Variants in MRPL50 observed in about 807,000 individuals in gnomAD.
The protein encoded by MRPL50 is large ribosomal subunit protein mL50.
Under a neutral mutation model 16.2 loss-of-function variants are expected in MRPL50, and 10 were observed. The observed-to-expected ratio is 0.62, with a 90% CI of 0.38 to 1.05. The LOEUF (loss-of-function observed/expected upper bound fraction) is 1.05, where lower values mean the gene tolerates loss of function less well. Ranked by LOEUF, MRPL50 falls within the 50% of genes least tolerant of loss-of-function variation. The probability of loss-of-function intolerance (pLI) is 0.01; values close to 1 mark genes in which losing one functional copy is unlikely to be tolerated. For synonymous variants in MRPL50, 68 were observed against 66.8 expected (o/e 1.02, Z -0.09); for missense variants, 213 against 187.1 (o/e 1.14, Z -0.81).
At chr9:101,397,720 G>A (rs1350902348) in intron 1 of MRPL50, among the ~76,000 whole-genome samples, 2 of 152,192 alleles carry the variant, frequency 1.3e-5, no homozygotes, top group African/African-American at 4.8e-5. Context: ...TGATGAAAAA[G>A]ATCTTTCCTA....
chr9:101,396,928 GA>G (rs1830351394), intron 1 of MRPL50, among the ~76,000 whole-genome samples: 3 of 152,182 alleles, frequency 2.0e-5, no homozygotes, highest in South Asian at 2.1e-4. Flanking sequence ...GAGACAGAGT[GA>G]GACTCCATCT....
intron 1 of MRPL50, 88 bp from the exon 2 acceptor site, chr9:101,390,938 T>G: frequency 7.2e-7 from 1 of 1,381,872 alleles, no homozygotes; most frequent in Non-Finnish European, 9.8e-7. Context: ...AAATCAACAA[T>G]GGCATGCTGA....
chr9:101,390,991 C>A (rs1276051103), intron 1 of MRPL50, 141 bp from the exon 2 acceptor site: 2 of 901,816 alleles, frequency 2.2e-6, no homozygotes, highest in Non-Finnish European at 3.3e-6. Flanking sequence ...ATATGGTAGG[C>A]CCCTGCCCTT....
chr9:101,388,014 A>G lies in MRPL50; in HGVS notation c.*2452T>C, dbSNP rs1307750548. ...TTACCTTCCCTGTTAGGATGTGTTT[A>G]CCCTCGTCGGCTAAATTTACCAAGA... On this transcript the variant is annotated 3_prime_UTR_variant, in exon 2 of 2. Transcript: ENST00000374865. 1 of 151,954 alleles carries G rather than the reference A, an allele frequency of 6.6e-6. No homozygotes were observed. 9.4% of individuals were successfully genotyped at this position (151,954 alleles called of 1,614,324 possible).
chr9:101,388,435 A>G lies in MRPL50; in HGVS notation c.*2031T>C, dbSNP rs1395295377. ...AAGGAAAAATTGTATAGAAAATGAGATAATGAAATCCTGTACATAAAATTC... is the reference window on the plus strand; with the variant it reads ...AAGGAAAAATTGTATAGAAAATGAGGTAATGAAATCCTGTACATAAAATTC... On this transcript the variant is annotated 3_prime_UTR_variant, in exon 2 of 2. Transcript: ENST00000374865. 1.3e-5 allele frequency: 2 copies of G among 152,132 alleles called. No individual in the cohort carries two copies. The highest frequency in any genetic ancestry group is 2.9e-5 in the Non-Finnish European group (2 of 68,010). The allele number at this position is 152,132 out of a possible 1,614,324, so 9.4% of individuals were successfully genotyped here.
In MRPL50 at chr9:101,387,860, T is replaced by C. The variant is rs1285972416; in HGVS notation, c.*2606A>G. On this transcript the variant is annotated 3_prime_UTR_variant, in exon 2 of 2. Transcript: ENST00000374865. ...TTTAAAATTACATCATATGTCTGAT[T>C]ATCTCATTAAACAAGTTAGCAAGCC... The C allele has an allele frequency of 6.6e-6, 1 of 152,138 alleles. No homozygotes were observed. Among genetic ancestry groups the C allele is most frequent in the Non-Finnish European group, 1.5e-5 (1 of 68,012 alleles). The allele number at this position is 152,138 out of a possible 1,614,324, so 9.4% of individuals were successfully genotyped here.
In MRPL50 at chr9:101,388,657, T is replaced by C. The variant is rs117534692; in HGVS notation, c.*1809A>G. On this transcript the variant is annotated 3_prime_UTR_variant, in exon 2 of 2. Coordinates refer to ENST00000374865, the MANE Select transcript of MRPL50 (RefSeq NM_019051.3). Reference sequence around the variant, plus strand: ...ATTGAGCTATAAACCAGTGATGCCCTCTAGAGGTACTGATGGATGTGCAGT... The same window carrying C: ...ATTGAGCTATAAACCAGTGATGCCCCCTAGAGGTACTGATGGATGTGCAGT... The C allele has an allele frequency of 1.3e-5, 2 of 152,260 alleles. No homozygotes were observed. Among genetic ancestry groups the C allele is most frequent in the Non-Finnish European group, 2.9e-5 (2 of 68,004 alleles). The allele number at this position is 152,260 out of a possible 1,614,324, so 9.4% of individuals were successfully genotyped here. A position where few individuals can be genotyped will look rare whatever the true frequency, so the allele number is the denominator to read the frequency against.
At position 101,391,475 on chromosome 9, in the gene MRPL50, A is replaced by G. The variant is rs149884385; in HGVS notation, c.93-625T>C. Among the ~76,000 whole-genome samples, 383 of 152,202 alleles carry G rather than the reference A, an allele frequency of 2.5e-3. 1 individual carries two copies. Among genetic ancestry groups the G allele is most frequent in the African/African-American group, 8.8e-3 (365 of 41,552 alleles). ...ATTTTACTTACATTCTACTTCACAG[A>G]AAGTGAAGAGATGGAAAAAGATATT... is the stretch of plus-strand genomic sequence containing the variant. On this transcript the variant is annotated intron_variant, in intron 1 of 1. Transcript: ENST00000374865.
Position 101,390,435 on chromosome 9 carries a change from G to A in MRPL50, c.*31C>T, listed in dbSNP as rs1362134554. ...CAGCCCCCTTGCTCAGGGAAAGACA[G>A]TGATTTCAATGTGTTTCTCTTCCGA... On this transcript the variant is annotated 3_prime_UTR_variant, in exon 2 of 2. Transcript: ENST00000374865. The A allele has an allele frequency of 1.9e-6, 3 of 1,585,146 alleles. No individual in the cohort carries two copies. Among genetic ancestry groups the A allele is most frequent in the South Asian group, 2.3e-5 (2 of 85,222 alleles).
At chr9:101,397,807 T>C (rs975094252) in intron 1 of MRPL50, among the ~76,000 whole-genome samples, 1 of 152,236 alleles carries the variant, frequency 6.6e-6, no homozygotes, top group African/African-American at 2.4e-5. Flanking sequence ...TTTGATTTCC[T>C]AAACACTATC....
rs759040437 is a variant in MRPL50 at position 101,398,484 on chromosome 9, C to G, written c.92+17G>C. The G allele has an allele frequency of 1.2e-6, 2 of 1,606,944 alleles. No individual in the cohort carries two copies. The highest frequency in any genetic ancestry group is 1.7e-6 in the Non-Finnish European group (2 of 1,173,844). ...ACTTTCCTTGAACATGACCCACCGT[C>G]CACCATAAAGCTTTACCTGAATCGA... On this transcript the variant is annotated intron_variant, in intron 1 of 1. Transcript: ENST00000374865.
At chr9:101,395,454 T>C (rs770387707) in intron 1 of MRPL50, among the ~76,000 whole-genome samples, 145 of 152,304 alleles carry the variant, frequency 9.5e-4, no homozygotes, top group Non-Finnish European at 1.8e-3. Flanking sequence ...CTAACAGAGA[T>C]ATCTGTACTC....
Position 101,390,060 on chromosome 9 carries a change from T to C in MRPL50, c.*406A>G. On this transcript the variant is annotated 3_prime_UTR_variant, in exon 2 of 2. Coordinates refer to ENST00000374865, the MANE Select transcript of MRPL50 (RefSeq NM_019051.3). ...TTTATGTTTCTTTTATAGGTATCTATCTAATAAAAGTTTATTTGTGTATGT... is the reference window on the plus strand; with the variant it reads ...TTTATGTTTCTTTTATAGGTATCTACCTAATAAAAGTTTATTTGTGTATGT... 9.3e-6 allele frequency: 9 copies of C among 963,954 alleles called. No homozygotes were observed. The highest frequency in any genetic ancestry group is 1.1e-5 in the Non-Finnish European group (9 of 808,342). The allele number at this position is 963,954 out of a possible 1,614,324, so 59.7% of individuals were successfully genotyped here. A position where few individuals can be genotyped will look rare whatever the true frequency, so the allele number is the denominator to read the frequency against.
In MRPL50 at chr9:101,390,033, C is replaced by A; in HGVS notation, c.*433G>T. The A allele has an allele frequency of 1.1e-6, 1 of 942,178 alleles. No individual in the cohort carries two copies. The highest frequency in any genetic ancestry group is 1.3e-6 in the Non-Finnish European group (1 of 789,438). 58.4% of individuals were successfully genotyped at this position (942,178 alleles called of 1,614,324 possible). A position where few individuals can be genotyped will look rare whatever the true frequency, so the allele number is the denominator to read the frequency against. On this transcript the variant is annotated 3_prime_UTR_variant, in exon 2 of 2. Transcript: ENST00000374865. ...AGAACTGTCAGTAATACACAACATA[C>A]TTTTATGTTTCTTTTATAGGTATCT... is the stretch of plus-strand genomic sequence containing the variant.
rs935163689 is a variant in MRPL50 at position 101,387,821 on chromosome 9, A to T, written c.*2645T>A. ...TTTATGTAGCAATCATTAAATTTTT[A>T]AAAATGTAAACCCTTTAAAATTACA... On this transcript the variant is annotated 3_prime_UTR_variant, in exon 2 of 2. Coordinates refer to ENST00000374865, the MANE Select transcript of MRPL50 (RefSeq NM_019051.3). 2.5e-4 allele frequency: 38 copies of T among 152,176 alleles called. No homozygotes were observed. Among genetic ancestry groups the T allele is most frequent in the African/African-American group, 8.7e-4 (36 of 41,536 alleles). 9.4% of individuals were successfully genotyped at this position (152,176 alleles called of 1,614,324 possible). A position where few individuals can be genotyped will look rare whatever the true frequency, so the allele number is the denominator to read the frequency against.
At position 101,388,162 on chromosome 9, in the gene MRPL50, T is replaced by C. The variant is rs1330657399; in HGVS notation, c.*2304A>G. 1 of 151,996 alleles carries C rather than the reference T, an allele frequency of 6.6e-6. No individual in the cohort carries two copies. Among genetic ancestry groups the C allele is most frequent in the Admixed American group, 6.6e-5 (1 of 15,248 alleles). 9.4% of individuals were successfully genotyped at this position (151,996 alleles called of 1,614,324 possible). On this transcript the variant is annotated 3_prime_UTR_variant, in exon 2 of 2. Transcript: ENST00000374865. ...CAGGACCTACTCCAGACTTACCAAA[T>C]CAGAATTTGCATTTTTAAAAGATCC...
Position 101,398,601 on chromosome 9 carries a change from A to G in MRPL50, c.-9T>C. 1 of 1,613,092 alleles carries G rather than the reference A, an allele frequency of 6.2e-7. No homozygotes were observed. Among genetic ancestry groups the G allele is most frequent in the Non-Finnish European group, 8.5e-7 (1 of 1,179,940 alleles). On this transcript the variant is annotated 5_prime_UTR_variant, in exon 1 of 2. Coordinates refer to ENST00000374865, the MANE Select transcript of MRPL50 (RefSeq NM_019051.3). ...ACAGATCGCGCCGCCATCTTCGATG[A>G]GATCCACGGGCCTGAGCGCAGCCTT...
chr9:101,390,352 GT>G lies in MRPL50; in HGVS notation c.*113del. ...ATACATTCCTCTACAGAAAAAGTGG[GT>G]TTAGAGAACAGTTCTGGTAGTATTT... On this transcript the variant is annotated 3_prime_UTR_variant, in exon 2 of 2. Coordinates refer to ENST00000374865, the MANE Select transcript of MRPL50 (RefSeq NM_019051.3). 2 of 1,451,244 alleles carry G rather than the reference GT, an allele frequency of 1.4e-6. No individual in the cohort carries two copies. The highest frequency in any genetic ancestry group is 3.9e-4 in the Middle Eastern group (2 of 5,156). The allele number at this position is 1,451,244 out of a possible 1,614,324, so 89.9% of individuals were successfully genotyped here.
intron 1 of MRPL50, among the ~76,000 whole-genome samples, chr9:101,394,906 GCAA>G (rs1352913926): frequency 6.6e-6 from 1 of 152,074 alleles, no homozygotes; most frequent in African/African-American, 2.4e-5. Flanking sequence ...AAAAGCACAG[GCAA>G]CAAGAACAAA....
Sources: gnomAD v4.1 joint callset for allele counts (sites outside exome capture counted in the v4.1 genomes callset) on GRCh38, gnomAD v4.1.1 for gene constraint, MANE v1.5 for transcripts, NCBI Gene and HGNC (gene_info 2026-07-23, HGNC 2026-07-21) for gene names.